Variants in CDH8 observed in about 807,000 individuals in gnomAD.
CDH8 encodes the protein cadherin-8.
A neutral mutation model predicts 68.1 loss-of-function variants in CDH8; 17 were observed. The observed-to-expected ratio is 0.25, with a 90% CI of 0.17 to 0.37. The LOEUF (loss-of-function observed/expected upper bound fraction) is 0.37, where lower values mean the gene tolerates loss of function less well. Among genes scored for constraint, CDH8 ranks in the 10% least tolerant of loss-of-function variants. The pLI is 1.00. For synonymous variants in CDH8, 372 were observed against 365.1 expected, an observed-to-expected ratio of 1.02 and a Z score of -0.21; for missense variants, 763 against 999.3, an observed-to-expected ratio of 0.76 and a Z score of 3.19.
At chr16:61,961,421 G>T (rs548664380) in intron 2 of CDH8, among the ~76,000 whole-genome samples, 1 of 152,076 alleles carries the variant, frequency 6.6e-6, no homozygotes, top group Non-Finnish European at 1.5e-5. Flanking sequence ...GTCCATGGCT[G>T]ATGAGTTCTA....
At chr16:61,970,855 T>A in intron 2 of CDH8, among the ~76,000 whole-genome samples, 1 of 152,228 alleles carries the variant, frequency 6.6e-6, no homozygotes, top group East Asian at 1.9e-4. Context: ...CCAGATGGCC[T>A]AAAGTAACTG....
In CDH8 at chr16:61,665,797, TTCCTTCCTTTCCC is replaced by T. The variant is rs1567410628; in HGVS notation, c.1655-10089_1655-10077del. On this transcript the variant is annotated intron_variant, in intron 10 of 11. Transcript: ENST00000577390. ...CTTCCTTCCTTCCTTCCTTCCTTCC[TTCCTTCCTTTCCC>T]TCCTTCCTTCCTTCTCTCCTTCCCT... Among the ~76,000 whole-genome samples, 406 of 125,174 alleles carry T rather than the reference TTCCTTCCTTTCCC, an allele frequency of 3.2e-3. 3 individuals carry two copies. The highest frequency in any genetic ancestry group is 3.9e-3 in the South Asian group (15 of 3,834). 82.1% of individuals were successfully genotyped at this position (125,174 alleles called of 152,430 possible).
At position 61,699,237 on chromosome 16, in the gene CDH8, AC is replaced by A. The variant is rs1399350073; in HGVS notation, c.1654+14603del. Among the ~76,000 whole-genome samples the A allele has an allele frequency of 2.0e-5, 3 of 152,262 alleles. 1 individual carries two copies. Among genetic ancestry groups the A allele is most frequent in the Middle Eastern group, 6.8e-3 (2 of 294 alleles). On this transcript the variant is annotated intron_variant, in intron 10 of 11. Coordinates refer to ENST00000577390, the MANE Select transcript of CDH8 (RefSeq NM_001796.5). ...GAGAAGTTCTTTGATGCAAAACTCC[AC>A]GTTTTAGTCTCAAAAACAGGATCTA...
intron 3 of CDH8, among the ~76,000 whole-genome samples, chr16:61,884,845 A>G: frequency 6.6e-6 from 1 of 152,084 alleles, no homozygotes; most frequent in East Asian, 1.9e-4. Flanking sequence ...GAAGTCAAAA[A>G]CTATACATGG....
At chr16:61,941,113 A>G in intron 2 of CDH8, among the ~76,000 whole-genome samples, 1 of 152,238 alleles carries the variant, frequency 6.6e-6, no homozygotes, top group African/African-American at 2.4e-5. Flanking sequence ...CTTTCCAACA[A>G]TTGTCACAAT....
At chr16:62,000,871 A>G (rs116564739) in intron 2 of CDH8, among the ~76,000 whole-genome samples, 365 of 152,358 alleles carry the variant, frequency 2.4e-3, no homozygotes, top group African/African-American at 8.2e-3. Context: ...ACTAGCAGTA[A>G]CTATAGTTAA....
chr16:61,745,060 G>T (rs1416206452), intron 8 of CDH8, among the ~76,000 whole-genome samples: 3 of 143,124 alleles, frequency 2.1e-5, no homozygotes, highest in South Asian at 2.2e-4. Context: ...TTCTAAAAAT[G>T]TTTTCAGTGA....
chr16:61,764,657 TGTA>T (rs1960545427), intron 8 of CDH8, among the ~76,000 whole-genome samples: 2 of 152,210 alleles, frequency 1.3e-5, no homozygotes, highest in South Asian at 4.1e-4. Context: ...GGTGGCATGA[TGTA>T]GACAAAGAAA....
rs191800552 is a variant in CDH8, at chr16:61,654,046, G to A, written c.1962C>T (p.Ile654=). Residue 654 remains isoleucine (I), a synonymous_variant, in exon 12 of 12, where the codon ATC becomes ATT. Transcript: ENST00000577390. ...LRRHKNEPLI[I]KDDEDVRENI... Reference sequence around the variant, plus strand: ...TTTCTCGAACGTCTTCATCATCTTTGATAATTAATGGTTCATTTTTATGCC... The same window carrying A: ...TTTCTCGAACGTCTTCATCATCTTTAATAATTAATGGTTCATTTTTATGCC... The A allele has an allele frequency of 1.2e-6, 2 of 1,614,024 alleles. No individual in the cohort carries two copies. Among genetic ancestry groups the A allele is most frequent in the East Asian group, 2.2e-5 (1 of 44,862 alleles).
chr16:61,958,850 A>G (rs1475678445), intron 2 of CDH8, among the ~76,000 whole-genome samples: 1 of 152,152 alleles, frequency 6.6e-6, no homozygotes, highest in Non-Finnish European at 1.5e-5. Flanking sequence ...AGAGTATGAC[A>G]CAGGAGGCTC....
chr16:61,659,980 A>G (rs1193396519), intron 10 of CDH8, among the ~76,000 whole-genome samples: 2 of 152,160 alleles, frequency 1.3e-5, no homozygotes, highest in African/African-American at 2.4e-5. Context: ...TTCAACAGCT[A>G]GACATGGTCA....
At chr16:61,704,037 T>C (rs1964485023) in intron 10 of CDH8, among the ~76,000 whole-genome samples, 1 of 152,186 alleles carries the variant, frequency 6.6e-6, no homozygotes, top group South Asian at 2.1e-4. Flanking sequence ...CAAGGTCTTA[T>C]GATCATACGG....
At chr16:61,782,753 G>C (rs1596963423) in intron 8 of CDH8, among the ~76,000 whole-genome samples, 1 of 152,280 alleles carries the variant, frequency 6.6e-6, no homozygotes. Context: ...AGAACGGGCA[G>C]ACTGCCTCCT....
intron 10 of CDH8, among the ~76,000 whole-genome samples, chr16:61,685,012 G>T (rs1035937231): frequency 1.3e-5 from 2 of 151,720 alleles, no homozygotes; most frequent in East Asian, 3.9e-4. Context: ...TTCCTGTTTG[G>T]TTTTTAGCAT....
At chr16:61,689,329 C>G (rs1964171516) in intron 10 of CDH8, among the ~76,000 whole-genome samples, 1 of 151,918 alleles carries the variant, frequency 6.6e-6, no homozygotes, top group Non-Finnish European at 1.5e-5. Context: ...ACAATAATAC[C>G]TCTTTTGTAG....
chr16:61,654,170 T>C, intron 11 of CDH8, 69 bp from the exon 12 acceptor site: 5 of 1,425,864 alleles, frequency 3.5e-6, no homozygotes, highest in Non-Finnish European at 3.8e-6. Flanking sequence ...ACACTATATA[T>C]GTTAGGAGAG....
intron 7 of CDH8, among the ~76,000 whole-genome samples, chr16:61,794,685 G>A (rs980603994): frequency 6.6e-6 from 1 of 151,972 alleles, no homozygotes; most frequent in Non-Finnish European, 1.5e-5. Flanking sequence ...TGGTTTAAGT[G>A]ATGAAAGATG....
At chr16:61,837,931 C>T (rs566796414) in intron 4 of CDH8, among the ~76,000 whole-genome samples, 21 of 152,068 alleles carry the variant, frequency 1.4e-4, no homozygotes, top group South Asian at 1.2e-3. Context: ...GTCTGACCTT[C>T]CTTGGAGGGA....
At chr16:62,026,674 G>A (rs1902205339) in intron 1 of CDH8, among the ~76,000 whole-genome samples, 1 of 152,188 alleles carries the variant, frequency 6.6e-6, no homozygotes. Flanking sequence ...TGAGGCACTG[G>A]GAAAATTGCT....
Sources: allele counts gnomAD v4.1 joint callset (sites outside exome capture counted in the v4.1 genomes callset), GRCh38; gene constraint gnomAD v4.1.1; transcripts MANE v1.5; gene names NCBI Gene and HGNC (gene_info 2026-07-23, HGNC 2026-07-21).